The following PCSK5 variants were observed in gnomAD, a reference collection of about 807,000 sequenced individuals.
PCSK5 encodes the protein proprotein convertase subtilisin/kexin type 5.
PCSK5 carries 129 observed loss-of-function variants against 233.2 expected under a neutral mutation model. The observed-to-expected ratio is 0.55, with a 90% CI of 0.48 to 0.64. The LOEUF (loss-of-function observed/expected upper bound fraction) is 0.64, where lower values mean the gene tolerates loss of function less well. PCSK5 is among the 30% of genes least tolerant of loss of function. The pLI, the probability that PCSK5 is intolerant of heterozygous loss-of-function variation, is 0.00. For synonymous variants in PCSK5, 825 were observed against 879.2 expected (o/e 0.94, Z 1.09); for missense variants, 2,076 against 2,430.1 (o/e 0.85, Z 3.06).
intron 21 of PCSK5, 33 bp downstream of exon 21, chr9:76,227,638 G>C (rs1825940944): frequency 7.3e-7 from 1 of 1,377,748 alleles, no homozygotes; most frequent in South Asian, 1.2e-5. Flanking sequence ...CCGGTGGTGT[G>C]AGCTCATGGA....
At chr9:76,260,397 T>A (rs942344702) in intron 24 of PCSK5, among the ~76,000 whole-genome samples, 1 of 152,174 alleles carries the variant, frequency 6.6e-6, no homozygotes, top group African/African-American at 2.4e-5. Flanking sequence ...CTGAATTAGC[T>A]AAGTGGACTC....
rs1325198973 is a variant in PCSK5, at chr9:75,969,560, A to G, written c.298-16572A>G. Among the ~76,000 whole-genome samples, 3 of 152,198 alleles carry G rather than the reference A, an allele frequency of 2.0e-5. No homozygotes were observed. The East Asian group carries it at 5.8e-4, about 29-fold the overall frequency. ...AGGTCTCCAGCTTTCTACTTTCTTT[A>G]TAAAACTTCTACCTTCAGTATCATT... On this transcript the variant is annotated intron_variant, in intron 2 of 37. Coordinates refer to ENST00000674117, the MANE Select transcript of PCSK5 (RefSeq NM_001372043.1).
chr9:76,120,776 G>A (rs1267069006), intron 9 of PCSK5, among the ~76,000 whole-genome samples: 48 of 151,834 alleles, frequency 3.2e-4, no homozygotes, highest in Non-Finnish European at 1.8e-4. Context: ...TAGTGGTACA[G>A]ATTAGTCATT....
chr9:75,926,006 A>T (rs184210793), intron 1 of PCSK5, among the ~76,000 whole-genome samples: 53 of 152,306 alleles, frequency 3.5e-4, no homozygotes, highest in African/African-American at 1.2e-3. Flanking sequence ...GTCAACAAGA[A>T]CAATGGTCTT....
At chr9:76,351,451 A>G (rs10869761) in intron 36 of PCSK5, among the ~76,000 whole-genome samples, 26,366 of 41,352 alleles carry the variant, frequency 0.64, 8,875 homozygotes, top group East Asian at 0.79. Context: ...AAGAAAGGAA[A>G]GAAAGAAAGA....
At chr9:76,333,748 G>A (rs1464711202) in intron 34 of PCSK5, among the ~76,000 whole-genome samples, 1 of 152,106 alleles carries the variant, frequency 6.6e-6, no homozygotes, top group Non-Finnish European at 1.5e-5. Flanking sequence ...TTCCTCAAAT[G>A]CTTTCACCCA....
chr9:76,043,931 G>GTCTT (rs1563991362), intron 5 of PCSK5, among the ~76,000 whole-genome samples: 1 of 152,058 alleles, frequency 6.6e-6, no homozygotes, highest in East Asian at 1.9e-4. Flanking sequence ...AAATCAGTCA[G>GTCTT]TCTTTCTCTC....
rs75718554 is a variant in PCSK5 at position 76,024,509 on chromosome 9, T to A, written c.555+628T>A. On this transcript the variant is annotated intron_variant, in intron 4 of 37. Coordinates refer to ENST00000674117, the MANE Select transcript of PCSK5 (RefSeq NM_001372043.1). ...GGAGAATAAACTGTAGCCTGAAGACTGAAGTGAGTTATCCATGGTCAGATA... is the reference window on the plus strand; with the variant it reads ...GGAGAATAAACTGTAGCCTGAAGACAGAAGTGAGTTATCCATGGTCAGATA... Among the ~76,000 whole-genome samples the A allele has an allele frequency of 8.6e-3, 1,308 of 152,328 alleles. 17 individuals are homozygous for A. The highest frequency in any genetic ancestry group is 0.028 in the African/African-American group (1,160 of 41,570).
chr9:76,022,770 C>T (rs1828252793), intron 3 of PCSK5, among the ~76,000 whole-genome samples: 1 of 152,186 alleles, frequency 6.6e-6, no homozygotes, highest in Non-Finnish European at 1.5e-5. Context: ...TTACAGCCTT[C>T]CCCTCGAAGC....
chr9:76,008,294 G>C (rs572041524), intron 3 of PCSK5, among the ~76,000 whole-genome samples: 1 of 152,078 alleles, frequency 6.6e-6, no homozygotes, highest in Admixed American at 6.5e-5. Flanking sequence ...ATATAAATCT[G>C]TGTTTAAAAA....
At chr9:76,087,816 T>TG (rs1430190431) in intron 7 of PCSK5, among the ~76,000 whole-genome samples, 4 of 152,182 alleles carry the variant, frequency 2.6e-5, no homozygotes, top group Admixed American at 1.3e-4. Flanking sequence ...CTACCTGGTA[T>TG]GGGGCTGAAA....
chr9:76,298,173 G>C (rs1380575902), intron 27 of PCSK5, among the ~76,000 whole-genome samples: 9 of 152,126 alleles, frequency 5.9e-5, no homozygotes, highest in Admixed American at 5.9e-4. Context: ...AGGGAGCCAA[G>C]AGTTAGAGCA....
intron 20 of PCSK5, among the ~76,000 whole-genome samples, chr9:76,220,017 T>C (rs1587772608): frequency 6.6e-6 from 1 of 151,942 alleles, no homozygotes; most frequent in East Asian, 1.9e-4. Context: ...AACTGATGAA[T>C]AGAGAGACTG....
chr9:76,040,331 C>CTG (rs1829045073), intron 5 of PCSK5, among the ~76,000 whole-genome samples: 1 of 16,840 alleles, frequency 5.9e-5, no homozygotes, highest in Non-Finnish European at 1.0e-4. Context: ...CTCTGTCTCT[C>CTG]TCTCTCTCTC....
rs138331299 is a variant in PCSK5 at position 76,250,664 on chromosome 9, C to T, written c.3142+9980C>T. On this transcript the variant is annotated intron_variant, in intron 24 of 37. Transcript: ENST00000674117. ...AAACAAGTCAAGTCTGAGAAACTGT[C>T]ACAGCCGAAAGGAGCCTAAGGAGAT... 2.7e-3 allele frequency among the ~76,000 whole-genome samples: 407 copies of T among 152,246 alleles called. 1 individual carries two copies. Among genetic ancestry groups the T allele is most frequent in the African/African-American group, 9.5e-3 (393 of 41,536 alleles).
intron 20 of PCSK5, among the ~76,000 whole-genome samples, chr9:76,224,163 T>A (rs571686683): frequency 6.6e-6 from 1 of 152,316 alleles, no homozygotes; most frequent in Non-Finnish European, 1.5e-5. Flanking sequence ...AAACAAGTTT[T>A]ACAAGTCCCT....
At chr9:75,965,173 A>G (rs562656353) in intron 2 of PCSK5, among the ~76,000 whole-genome samples, 1 of 152,242 alleles carries the variant, frequency 6.6e-6, no homozygotes, top group East Asian at 1.9e-4. Flanking sequence ...GGCCTTTAGT[A>G]CGCACTGTAT....
At chr9:75,955,785 A>C (rs943308396) in intron 2 of PCSK5, among the ~76,000 whole-genome samples, 3 of 152,152 alleles carry the variant, frequency 2.0e-5, no homozygotes, top group African/African-American at 7.2e-5. Flanking sequence ...ACAAAGGAGT[A>C]AGTTTTTGTC....
chr9:76,339,973 A>G (rs570813445), intron 35 of PCSK5, among the ~76,000 whole-genome samples: 1 of 152,270 alleles, frequency 6.6e-6, no homozygotes, highest in East Asian at 1.9e-4. Context: ...GCCACCAAAT[A>G]TGCCATGTTC....
Sources: gnomAD v4.1 joint callset for allele counts (sites outside exome capture counted in the v4.1 genomes callset) on GRCh38, gnomAD v4.1.1 for gene constraint, MANE v1.5 for transcripts, NCBI Gene and HGNC (gene_info 2026-07-23, HGNC 2026-07-21) for gene names.